Variants in PSD3 observed in about 807,000 individuals in gnomAD.
PSD3 encodes the protein pleckstrin and Sec7 domain containing 3.
A neutral mutation model predicts 105.5 loss-of-function variants in PSD3; 49 were observed. That is an observed-to-expected ratio of 0.46 (90% CI 0.37 to 0.59). PSD3 has a LOEUF of 0.59. Among genes scored for constraint, PSD3 ranks in the 20% least tolerant of loss-of-function variants. PSD3 has a pLI of 0.00. For synonymous variants in PSD3, 557 were observed against 457.8 expected (o/e 1.22, Z -2.77); for missense variants, 1,561 against 1,263.8 (o/e 1.24, Z -3.57).
chr8:18,754,121 C>T (rs932284704), intron 9 of PSD3, among the ~76,000 whole-genome samples: 2 of 152,264 alleles, frequency 1.3e-5, no homozygotes, highest in Admixed American at 6.5e-5. Flanking sequence ...CGGTGGCTCA[C>T]GCCTGTAATC....
chr8:19,029,617 C>T lies in PSD3; in HGVS notation c.324+54589G>A, dbSNP rs190805231. Among the ~76,000 whole-genome samples, 106 of 152,244 alleles carry T rather than the reference C, an allele frequency of 7.0e-4. 1 individual carries two copies. Among genetic ancestry groups the T allele is most frequent in the African/African-American group, 2.4e-3 (101 of 41,552 alleles). On this transcript the variant is annotated intron_variant, in intron 1 of 1. Transcript: ENST00000521475. ...TTGTGAGAACTCAGTATCAAGAGAA[C>T]AGCATGAGGGTGAACATCTCCATGA...
At chr8:18,606,016 G>C (rs920519123) in intron 11 of PSD3, among the ~76,000 whole-genome samples, 4 of 152,170 alleles carry the variant, frequency 2.6e-5, no homozygotes, top group African/African-American at 9.7e-5. Flanking sequence ...TATTTCTTCA[G>C]ATGAGTGTGA....
intron 9 of PSD3, among the ~76,000 whole-genome samples, chr8:18,750,930 C>A (rs762694970): frequency 6.6e-6 from 1 of 152,062 alleles, no homozygotes; most frequent in Non-Finnish European, 1.5e-5. Flanking sequence ...CTGAGTTAGA[C>A]ATAAAGACTC....
chr8:18,663,548 G>A (rs1336271034), intron 9 of PSD3, among the ~76,000 whole-genome samples: 1 of 152,070 alleles, frequency 6.6e-6, no homozygotes, highest in Admixed American at 6.5e-5. Context: ...TTATTTTGGG[G>A]GTGGACTTGA....
At chr8:18,673,670 T>C (rs548800913) in intron 9 of PSD3, among the ~76,000 whole-genome samples, 95 of 152,248 alleles carry the variant, frequency 6.2e-4, no homozygotes, top group African/African-American at 2.2e-3. Context: ...TTCAAGCAAC[T>C]GAGAAAAAGT....
At chr8:18,918,569 C>A (rs747656137) in intron 2 of PSD3, among the ~76,000 whole-genome samples, 1 of 152,202 alleles carries the variant, frequency 6.6e-6, no homozygotes, top group Non-Finnish European at 1.5e-5. Flanking sequence ...CAGGAATGTA[C>A]TGAAGGAAGT....
At chr8:18,618,607 T>G (rs1805872884) in intron 11 of PSD3, among the ~76,000 whole-genome samples, 1 of 152,070 alleles carries the variant, frequency 6.6e-6, no homozygotes, top group Non-Finnish European at 1.5e-5. Flanking sequence ...ATTCCTTCTA[T>G]GTACCAGGCA....
chr8:18,584,260 G>C (rs1242124966), intron 12 of PSD3, among the ~76,000 whole-genome samples: 1 of 152,204 alleles, frequency 6.6e-6, no homozygotes, highest in Non-Finnish European at 1.5e-5. Flanking sequence ...CTTTATTCAA[G>C]TCAGAGGCTG....
Position 18,575,427 on chromosome 8 carries a change from C to T in PSD3, c.2482-142G>A, listed in dbSNP as rs1415838247. On this transcript the variant is annotated intron_variant, in intron 12 of 15. Coordinates refer to ENST00000327040, the MANE Select transcript of PSD3 (RefSeq NM_015310.4). ...AAATGAAACAAACGGTGAGTAAAAA[C>T]AACCTTATAAATGTTACAGAACATT... The T allele has an allele frequency of 9.3e-6, 7 of 755,136 alleles. No individual in the cohort carries two copies. The South Asian group carries it at 1.8e-4, about 19-fold the overall frequency. The allele number at this position is 755,136 out of a possible 1,614,324, so 46.8% of individuals were successfully genotyped here.
At chr8:18,689,376 G>A (rs549260066) in intron 9 of PSD3, among the ~76,000 whole-genome samples, 7 of 152,174 alleles carry the variant, frequency 4.6e-5, no homozygotes, top group Non-Finnish European at 8.8e-5. Context: ...CACCCAGGCA[G>A]ACACTTCCCT....
intron 4 of PSD3, among the ~76,000 whole-genome samples, chr8:18,826,706 T>C (rs1278985422): frequency 6.6e-6 from 1 of 152,220 alleles, no homozygotes; most frequent in Non-Finnish European, 1.5e-5. Context: ...TTGGAAAGGC[T>C]TGAAGGTTTT....
At chr8:18,636,668 C>A (rs1243267596) in intron 10 of PSD3, among the ~76,000 whole-genome samples, 1 of 152,150 alleles carries the variant, frequency 6.6e-6, no homozygotes. Flanking sequence ...TACAAAAAAT[C>A]TTTAATGCCA....
At chr8:18,968,825 G>A (rs992193355) in intron 1 of PSD3, among the ~76,000 whole-genome samples, 2 of 136,596 alleles carry the variant, frequency 1.5e-5, no homozygotes, top group Non-Finnish European at 3.0e-5. Context: ...GCAGTGAGCC[G>A]AGATCGCGCC....
At chr8:18,741,515 C>G (rs1804572285) in intron 9 of PSD3, among the ~76,000 whole-genome samples, 1 of 152,076 alleles carries the variant, frequency 6.6e-6, no homozygotes, top group Non-Finnish European at 1.5e-5. Context: ...TAAAAACAAT[C>G]CTAGAATTTA....
chr8:18,777,709 C>G (rs1456312535), intron 8 of PSD3, among the ~76,000 whole-genome samples: 1 of 152,158 alleles, frequency 6.6e-6, no homozygotes, highest in Non-Finnish European at 1.5e-5. Context: ...AAATATTCAA[C>G]AATTATAAAC....
At chr8:18,945,410 G>T (rs1822798801) in intron 1 of PSD3, among the ~76,000 whole-genome samples, 1 of 152,182 alleles carries the variant, frequency 6.6e-6, no homozygotes, top group South Asian at 2.1e-4. Context: ...GGAGGAAGGG[G>T]CTGTGAGCCA....
chr8:18,744,899 T>C (rs1014198932), intron 9 of PSD3, among the ~76,000 whole-genome samples: 1 of 152,238 alleles, frequency 6.6e-6, no homozygotes, highest in Non-Finnish European at 1.5e-5. Flanking sequence ...TCCCTTGTCT[T>C]TTATGACCTC....
At chr8:18,914,474 A>T (rs981139545) in intron 2 of PSD3, among the ~76,000 whole-genome samples, 2 of 152,186 alleles carry the variant, frequency 1.3e-5, no homozygotes, top group Non-Finnish European at 2.9e-5. Context: ...AATCCTAAAG[A>T]GTCCACCAAA....
At chr8:19,080,462 A>G (rs1829607344) in intron 1 of PSD3, among the ~76,000 whole-genome samples, 1 of 152,212 alleles carries the variant, frequency 6.6e-6, no homozygotes, top group Non-Finnish European at 1.5e-5. Context: ...TTTGATTTTA[A>G]GGAGTAACAG....
Sources: allele counts gnomAD v4.1 joint callset (sites outside exome capture counted in the v4.1 genomes callset), GRCh38; gene constraint gnomAD v4.1.1; transcripts MANE v1.5; gene names NCBI Gene and HGNC (gene_info 2026-07-23, HGNC 2026-07-21).